PDE4DIP: variants seen among roughly 807,000 people sequenced by gnomAD.
PDE4DIP encodes myomegalin.
In PDE4DIP, 59 loss-of-function variants were observed where a neutral mutation model predicts 221.4. The ratio of observed to expected loss-of-function variants is 0.27; its 90% CI spans 0.22 to 0.33. The LOEUF is 0.33. Among genes scored for constraint, PDE4DIP ranks in the 10% least tolerant of loss-of-function variants. PDE4DIP has a pLI of 1.00. For missense variants in PDE4DIP, 1,036 were observed against 2,154.2 expected, an observed-to-expected ratio of 0.48 and a Z score of 10.28; for synonymous variants, 404 against 815.9, an observed-to-expected ratio of 0.50 and a Z score of 8.60.
At chr1:148,949,153 A>C (rs2052528458) in intron 5 of PDE4DIP, among the ~76,000 whole-genome samples, 1 of 152,170 alleles carries the variant, frequency 6.6e-6, no homozygotes, top group African/African-American at 2.4e-5. Flanking sequence ...AGTAACAATT[A>C]TATTTTTTTC....
At chr1:148,989,702 T>A (rs1309452014) in intron 21 of PDE4DIP, among the ~76,000 whole-genome samples, 1 of 152,170 alleles carries the variant, frequency 6.6e-6, no homozygotes, top group African/African-American at 2.4e-5. Context: ...AGAGAAACAA[T>A]GTGAACAGTC....
chr1:148,968,102 G>T (rs1453481701), intron 13 of PDE4DIP, among the ~76,000 whole-genome samples, 197 bp downstream of exon 16: 3 of 137,038 alleles, frequency 2.2e-5, no homozygotes, highest in Admixed American at 2.1e-4. Context: ...CTTTCTCAAA[G>T]AACTTATGTG....
intron 5 of PDE4DIP, among the ~76,000 whole-genome samples, chr1:148,944,733 T>C (rs2051228858): frequency 6.6e-6 from 1 of 151,110 alleles, no homozygotes; most frequent in Admixed American, 6.6e-5. Flanking sequence ...TAGCCAGGTG[T>C]GGTGACGCGT....
chr1:148,978,348 T>C (rs1553539470), exon 19 of PDE4DIP: 2 of 1,612,588 alleles, frequency 1.2e-6, no homozygotes, highest in African/African-American at 2.7e-5. Context: ...GAAGTCTTAC[T>C]TCTTCGGGAA....
chr1:148,973,770 T>C (rs1437684857), intron 16 of PDE4DIP, among the ~76,000 whole-genome samples: 2 of 149,238 alleles, frequency 1.3e-5, no homozygotes, highest in Admixed American at 6.7e-5. Context: ...GCACTGACAG[T>C]GTTCAGTTAG....
At chr1:149,013,741 C>T (rs2152619641) in intron 32 of PDE4DIP, among the ~76,000 whole-genome samples, 1 of 104,674 alleles carries the variant, frequency 9.6e-6, no homozygotes, top group South Asian at 4.0e-4. Flanking sequence ...CCTACAGCCC[C>T]AAATGTCATG....
intron 37 of PDE4DIP, among the ~76,000 whole-genome samples, chr1:149,023,521 G>A (rs1575559260): frequency 1.4e-5 from 2 of 146,852 alleles, no homozygotes; most frequent in South Asian, 4.3e-4. Context: ...TGTGGTGAAT[G>A]GAGGTAAATA....
chr1:148,929,325 T>A (rs1407047492), intron 2 of PDE4DIP, 52 bp downstream of exon 5: 1 of 1,530,402 alleles, frequency 6.5e-7, no homozygotes, highest in Non-Finnish European at 8.9e-7. Flanking sequence ...CTTACTAATC[T>A]GAGAGCAATA....
chr1:148,915,216 C>T (rs1305466847), intron 1 of PDE4DIP, among the ~76,000 whole-genome samples: 3 of 152,102 alleles, frequency 2.0e-5, no homozygotes, highest in East Asian at 1.9e-4. Context: ...GGTGCAATCT[C>T]GGCTCACTAC....
At chr1:149,013,303 C>A (rs587753079) in intron 32 of PDE4DIP, among the ~76,000 whole-genome samples, 59 of 136,732 alleles carry the variant, frequency 4.3e-4, no homozygotes, top group African/African-American at 1.6e-3. Context: ...TCCTACTGCA[C>A]AGGGTTGGTC....
intron 1 of PDE4DIP, among the ~76,000 whole-genome samples, chr1:148,922,390 C>CA (rs755733569): frequency 1.0e-3 from 151 of 148,162 alleles, no homozygotes; most frequent in Admixed American, 3.9e-3. Context: ...CCTGTCTCTA[C>CA]AAAAAATACA....
chr1:148,956,302 C>T (rs1416745318), intron 5 of PDE4DIP, among the ~76,000 whole-genome samples: 3 of 151,818 alleles, frequency 2.0e-5, no homozygotes, highest in Non-Finnish European at 4.4e-5. Flanking sequence ...TTGTTTAATC[C>T]TCCACTTACC....
At chr1:148,918,582 A>G (rs1408546142) in intron 1 of PDE4DIP, among the ~76,000 whole-genome samples, 3 of 128,692 alleles carry the variant, frequency 2.3e-5, no homozygotes, top group Non-Finnish European at 4.9e-5. Context: ...CCTCTGCCCA[A>G]TGAGCACTGT....
At chr1:149,010,066 T>C (rs1190831245) in intron 30 of PDE4DIP, among the ~76,000 whole-genome samples, 1 of 152,178 alleles carries the variant, frequency 6.6e-6, no homozygotes, top group Non-Finnish European at 1.5e-5. Flanking sequence ...TCTTCTTCCT[T>C]GGTGACTCTG....
chr1:148,987,477 G>A (rs1349159120), intron 21 of PDE4DIP, among the ~76,000 whole-genome samples: 1 of 152,148 alleles, frequency 6.6e-6, no homozygotes, highest in Non-Finnish European at 1.5e-5. Flanking sequence ...TGAACGCATG[G>A]CAGTGTACCT....
At chr1:148,813,237 TG>T (rs1471299699) in intron 1 of PDE4DIP, among the ~76,000 whole-genome samples, 5 of 80,530 alleles carry the variant, frequency 6.2e-5, no homozygotes, top group Admixed American at 3.8e-4. Flanking sequence ...TCTCAATACT[TG>T]TTACTGTACA....
chr1:148,964,112 AT>A lies in PDE4DIP; in HGVS notation c.1195-1358del, dbSNP rs11401915. Among the ~76,000 whole-genome samples the A allele has an allele frequency of 1.4e-3, 126 of 92,262 alleles. 1 individual carries two copies. Among genetic ancestry groups the A allele is most frequent in the Non-Finnish European group, 1.5e-3 (67 of 46,066 alleles). 60.5% of individuals were successfully genotyped at this position (92,262 alleles called of 152,430 possible). On this transcript the variant is annotated intron_variant, in intron 9 of 43. Transcript: ENST00000369354. Reference sequence around the variant, plus strand: ...TTCTTTTCTTTTCTTTCTTTCTTTCATTTTTTTTTTTTTTGAGACAGAGTTT... The same window carrying A: ...TTCTTTTCTTTTCTTTCTTTCTTTCATTTTTTTTTTTTTGAGACAGAGTTT...
In PDE4DIP at chr1:148,974,750, A is replaced by G. The variant is rs868964981; in HGVS notation, c.2319+145A>G. The G allele has an allele frequency of 4.7e-3, 96 of 20,636 alleles. 1 individual carries two copies. Among genetic ancestry groups the G allele is most frequent in the African/African-American group, 0.014 (94 of 6,816 alleles). 1.3% of individuals were successfully genotyped at this position (20,636 alleles called of 1,614,324 possible). On this transcript the variant is annotated intron_variant, in intron 17 of 43. Transcript: ENST00000369354. ...GACTTTTTTCTTTTTGGAGAAAAAT[A>G]TAAGTTATTTTATATATACATTATC... is the stretch of plus-strand genomic sequence containing the variant.
chr1:148,959,691 T>C (rs1258516690), intron 5 of PDE4DIP, among the ~76,000 whole-genome samples: 3 of 152,184 alleles, frequency 2.0e-5, no homozygotes, highest in African/African-American at 7.2e-5. Flanking sequence ...GTTCCATATA[T>C]AAATTGTCCC....
Sources: gnomAD v4.1 joint callset for allele counts (sites outside exome capture counted in the v4.1 genomes callset) on GRCh38, gnomAD v4.1.1 for gene constraint, MANE v1.5 for transcripts, NCBI Gene and HGNC (gene_info 2026-07-23, HGNC 2026-07-21) for gene names.